The following PLCB4 variants were observed in gnomAD, a reference collection of about 807,000 sequenced individuals.
PLCB4 encodes phospholipase C beta 4.
In PLCB4, 77 loss-of-function variants were observed where a neutral mutation model predicts 178.8. That is an observed-to-expected ratio of 0.43 (90% CI 0.36 to 0.52). The LOEUF (loss-of-function observed/expected upper bound fraction) is 0.52. PLCB4 is among the 20% of genes least tolerant of loss of function. The pLI, the probability that PLCB4 is intolerant of heterozygous loss-of-function variation, is 0.00. For missense variants in PLCB4, 1,024 were observed against 1,453.4 expected (o/e 0.70, Z 4.80); for synonymous variants, 496 against 490.8 (o/e 1.01, Z -0.14).
chr20:9,468,665 C>T lies in PLCB4; in HGVS notation c.3343C>T (p.Arg1115Trp), dbSNP rs771325329. 5.0e-6 allele frequency: 8 copies of T among 1,586,092 alleles called. No homozygotes were observed. Among genetic ancestry groups the T allele is most frequent in the East Asian group, 2.2e-5 (1 of 44,710 alleles). The change falls in exon 36 of 40, where the codon CGG becomes TGG. Residue 1115 changes from arginine to tryptophan, a missense_variant. Coordinates refer to ENST00000378473, the MANE Select transcript of PLCB4 (RefSeq NM_001377142.1). ...TAAATCTATCAAGAATAAAGCAGAA[C>T]GGGAAAGGTAAGTCTGAGAGTGTTC... ...QDKSIKNKAE[R>W]ERRVRELNSS... is the part of the protein sequence containing the mutation.
chr20:9,195,793 T>TTA (rs1179515735), intron 2 of PLCB4, among the ~76,000 whole-genome samples: 1 of 152,120 alleles, frequency 6.6e-6, no homozygotes, highest in African/African-American at 2.4e-5. Context: ...AAATCTCAGT[T>TTA]TATATATATC....
intron 12 of PLCB4, among the ~76,000 whole-genome samples, chr20:9,378,109 C>A (rs1259254858): frequency 2.6e-5 from 4 of 152,106 alleles, no homozygotes; most frequent in Non-Finnish European, 1.5e-5. Flanking sequence ...TTTTAAAATG[C>A]ACAAAAATGT....
At chr20:9,215,041 T>C (rs899000403) in intron 2 of PLCB4, among the ~76,000 whole-genome samples, 3 of 152,140 alleles carry the variant, frequency 2.0e-5, no homozygotes, top group African/African-American at 7.2e-5. Context: ...GGCAGGATCA[T>C]TAATCAATGA....
intron 2 of PLCB4, among the ~76,000 whole-genome samples, chr20:9,164,132 C>G (rs1461226181): frequency 2.6e-5 from 4 of 152,142 alleles, no homozygotes; most frequent in Non-Finnish European, 4.4e-5. Flanking sequence ...ATTTTTAAAA[C>G]ATCCCAGACT....
intron 3 of PLCB4, among the ~76,000 whole-genome samples, chr20:9,294,508 A>G (rs1485015272): frequency 1.3e-5 from 2 of 152,090 alleles, no homozygotes; most frequent in African/African-American, 4.8e-5. Flanking sequence ...TTGTCCATGG[A>G]CTTCCTGAGA....
At chr20:9,196,599 C>T (rs1479219666) in intron 2 of PLCB4, among the ~76,000 whole-genome samples, 1 of 152,130 alleles carries the variant, frequency 6.6e-6, no homozygotes, top group African/African-American at 2.4e-5. Context: ...AGGACATTGG[C>T]TGCTGTTACT....
chr20:9,170,782 C>A (rs565495127), intron 2 of PLCB4, among the ~76,000 whole-genome samples: 2 of 152,272 alleles, frequency 1.3e-5, no homozygotes, highest in South Asian at 4.1e-4. Context: ...TTCACAGAGT[C>A]GGTAAAACCT....
At position 9,167,977 on chromosome 20, in the gene PLCB4, A is replaced by G. The variant is rs118018191; in HGVS notation, c.-78-49413A>G. On this transcript the variant is annotated intron_variant, in intron 2 of 39. Transcript: ENST00000378473. ...ATACATGAATAATATGCAACATTCT[A>G]TGGCAATTTTTAAGGGTGCATGAAG... is the stretch of plus-strand genomic sequence containing the variant. Among the ~76,000 whole-genome samples the G allele has an allele frequency of 7.7e-4, 117 of 152,318 alleles. 6 individuals are homozygous for G. In the East Asian group the frequency reaches 0.019, roughly 25 times the overall value.
At chr20:9,418,887 T>A (rs58168900) in intron 25 of PLCB4, among the ~76,000 whole-genome samples, 5,781 of 151,656 alleles carry the variant, frequency 0.038, 289 homozygotes, top group East Asian at 0.24. Flanking sequence ...TTATTTTTTT[T>A]AAAAAAGTTT....
At chr20:9,210,550 C>T (rs2093662627) in intron 2 of PLCB4, among the ~76,000 whole-genome samples, 1 of 152,156 alleles carries the variant, frequency 6.6e-6, no homozygotes, top group Admixed American at 6.5e-5. Context: ...CCCAAGCTTT[C>T]TCTGAGGGGA....
At chr20:9,208,751 G>A (rs577181027) in intron 2 of PLCB4, among the ~76,000 whole-genome samples, 1 of 152,200 alleles carries the variant, frequency 6.6e-6, no homozygotes, top group South Asian at 2.1e-4. Flanking sequence ...ATGTTGACGA[G>A]GCTGATCTCA....
intron 25 of PLCB4, among the ~76,000 whole-genome samples, chr20:9,416,820 C>T (rs2148544379): frequency 6.6e-6 from 1 of 152,238 alleles, no homozygotes; most frequent in Non-Finnish European, 1.5e-5. Flanking sequence ...GATAAAAAAT[C>T]AGTGTTGTCT....
chr20:9,324,981 T>A (rs2030206580), intron 4 of PLCB4, among the ~76,000 whole-genome samples: 1 of 152,254 alleles, frequency 6.6e-6, no homozygotes, highest in African/African-American at 2.4e-5. Flanking sequence ...GCATTGTCTA[T>A]TATCTCCATA....
At chr20:9,293,152 AGAATG>A (rs369314731) in intron 3 of PLCB4, among the ~76,000 whole-genome samples, 4,035 of 151,072 alleles carry the variant, frequency 0.027, 187 homozygotes, top group African/African-American at 0.091. Flanking sequence ...AAGTAAGGAA[AGAATG>A]GAATGGAATG....
chr20:9,338,924 G>C lies in PLCB4; in HGVS notation c.256G>C (p.Val86Leu). ...DPKILAALEAVGKSENDLEGR... is the reference protein window; with the variant it reads ...DPKILAALEALGKSENDLEGR... ...CAAAATCTTGGCTGCTCTTGAAGCT[G>C]TTGGAAAATCAGAAAATGATCTGGA... The change falls in exon 7 of 40, where the codon GTT (valine) becomes CTT (leucine). Residue 86 changes from valine to leucine, a missense_variant. This residue lies in a region of PLCB4 where 225 missense variants were observed against 291.0 expected (regional missense o/e 0.77). Transcript: ENST00000378473. 1 of 1,613,432 alleles carries C rather than the reference G, an allele frequency of 6.2e-7. No homozygotes were observed. Among genetic ancestry groups the C allele is most frequent in the Non-Finnish European group, 8.5e-7 (1 of 1,179,632 alleles).
intron 1 of PLCB4, among the ~76,000 whole-genome samples, chr20:9,086,626 C>T (rs2090434444): frequency 6.6e-6 from 1 of 152,124 alleles, no homozygotes; most frequent in South Asian, 2.1e-4. Context: ...GCTCAGGATT[C>T]TACCCTCTTC....
chr20:9,099,274 A>G (rs1476262734), intron 2 of PLCB4, among the ~76,000 whole-genome samples: 1 of 152,138 alleles, frequency 6.6e-6, no homozygotes, highest in Non-Finnish European at 1.5e-5. Context: ...AATGTTTTTA[A>G]ATAGTCAGAA....
chr20:9,349,808 T>C (rs1386391866), intron 7 of PLCB4, among the ~76,000 whole-genome samples: 1 of 152,246 alleles, frequency 6.6e-6, no homozygotes, highest in Admixed American at 6.5e-5. Flanking sequence ...TCACTGACTT[T>C]AAATTGCTTT....
At chr20:9,207,515 C>T (rs2093627424) in intron 2 of PLCB4, among the ~76,000 whole-genome samples, 1 of 152,240 alleles carries the variant, frequency 6.6e-6, no homozygotes, top group African/African-American at 2.4e-5. Context: ...CCTCCAGTGA[C>T]CTATTACTAT....
Sources: gnomAD v4.1 joint callset for allele counts (sites outside exome capture counted in the v4.1 genomes callset) on GRCh38, gnomAD v4.1.1 for gene constraint, gnomAD v4.1.1 regional missense constraint, MANE v1.5 for transcripts, NCBI Gene and HGNC (gene_info 2026-07-23, HGNC 2026-07-21) for gene names.